The following ETF1 variants were observed in gnomAD, a reference collection of about 807,000 sequenced individuals.
ETF1 encodes the protein eukaryotic translation termination factor 1, also known as eukaryotic peptide chain release factor subunit 1.
In ETF1, 4 loss-of-function variants were observed where a neutral mutation model predicts 55.1. That is an observed-to-expected ratio of 0.07 (90% CI 0.04 to 0.17). ETF1 has a LOEUF of 0.17. ETF1 is among the 10% of genes least tolerant of loss of function. The pLI is 1.00. For synonymous variants in ETF1, 157 were observed against 182.3 expected, an observed-to-expected ratio of 0.86 and a Z score of 1.12; for missense variants, 142 against 523.6, an observed-to-expected ratio of 0.27 and a Z score of 7.11.
At chr5:138,518,164 T>C (rs1399585287) in intron 3 of ETF1, among the ~76,000 whole-genome samples, 1 of 148,004 alleles carries the variant, frequency 6.8e-6, no homozygotes, top group Non-Finnish European at 1.5e-5. Flanking sequence ...ATTACTGCAC[T>C]TCAGTCTCTG....
chr5:138,512,215 AAAAAAAAAAAATATATAT>A (rs1407087524), intron 6 of ETF1, among the ~76,000 whole-genome samples: 1 of 34,138 alleles, frequency 2.9e-5, no homozygotes, highest in African/African-American at 1.2e-4. Context: ...AAAAAAAAAA[AAAAAAAAAAAATATATAT>A]ATATATATAT....
Position 138,506,613 on chromosome 5 carries a change from C to T in ETF1, c.*1692G>A, listed in dbSNP as rs1016260582. ...GTGAAGTCTCCCACGTTGGTGAACA[C>T]CAAATAATGGACTCTTCTCACAGGG... On this transcript the variant is annotated 3_prime_UTR_variant, in exon 11 of 11. Coordinates refer to ENST00000360541, the MANE Select transcript of ETF1 (RefSeq NM_004730.4). 6.6e-6 allele frequency: 1 copy of T among 152,650 alleles called. No individual in the cohort carries two copies. Among genetic ancestry groups the T allele is most frequent in the African/African-American group, 2.4e-5 (1 of 41,448 alleles). 9.5% of individuals were successfully genotyped at this position (152,650 alleles called of 1,614,324 possible). A position where few individuals can be genotyped will look rare whatever the true frequency, so the allele number is the denominator to read the frequency against.
At chr5:138,525,973 T>C (rs1160298548) in intron 2 of ETF1, among the ~76,000 whole-genome samples, 1 of 151,244 alleles carries the variant, frequency 6.6e-6, no homozygotes, top group African/African-American at 2.4e-5. Context: ...AAATGTGTTA[T>C]CACTTTATAA....
rs192118574 is a variant in ETF1, at chr5:138,523,228, G to A, written c.87-4361C>T. Among the ~76,000 whole-genome samples, 6 of 152,244 alleles carry A rather than the reference G, an allele frequency of 3.9e-5. No individual in the cohort carries two copies. In the East Asian group the frequency reaches 9.7e-4, roughly 25 times the overall value. ...CTAAAAATACAAAAATTAGCCGGGCGTGGTGGTGTGTGCCTGTAATCTCAG... is the reference window on the plus strand; with the variant it reads ...CTAAAAATACAAAAATTAGCCGGGCATGGTGGTGTGTGCCTGTAATCTCAG... On this transcript the variant is annotated intron_variant, in intron 2 of 10. Transcript: ENST00000360541.
At chr5:138,534,581 A>C (rs1765837832) in intron 2 of ETF1, among the ~76,000 whole-genome samples, 1 of 152,228 alleles carries the variant, frequency 6.6e-6, no homozygotes, top group African/African-American at 2.4e-5. Context: ...CTAGGGTGGA[A>C]ATAGCATGTC....
At chr5:138,517,731 T>A in intron 3 of ETF1, 31 bp from the exon 4 acceptor site, 1 of 1,409,656 alleles carries the variant, frequency 7.1e-7, no homozygotes, top group East Asian at 2.7e-5. Context: ...TTTTCTACTT[T>A]ACCCCATATC....
chr5:138,537,049 G>A (rs1416667844), intron 2 of ETF1, among the ~76,000 whole-genome samples: 2 of 152,180 alleles, frequency 1.3e-5, no homozygotes, highest in Non-Finnish European at 2.9e-5. Flanking sequence ...GAAATTCAAA[G>A]GGAGTAATTG....
chr5:138,531,476 A>G (rs1765696106), intron 2 of ETF1, among the ~76,000 whole-genome samples: 1 of 152,160 alleles, frequency 6.6e-6, no homozygotes, highest in South Asian at 2.1e-4. Context: ...GCTCAGAGAT[A>G]CTCAACTTTA....
At chr5:138,541,889 A>C (rs80010430) in intron 2 of ETF1, among the ~76,000 whole-genome samples, 1 of 152,124 alleles carries the variant, frequency 6.6e-6, no homozygotes, top group Non-Finnish European at 1.5e-5. Context: ...TTAAAAAAAA[A>C]AGAAAACACA....
chr5:138,533,315 C>A (rs1378708303), intron 2 of ETF1, among the ~76,000 whole-genome samples: 1 of 151,948 alleles, frequency 6.6e-6, no homozygotes, highest in Non-Finnish European at 1.5e-5. Context: ...AATAAATGGC[C>A]AATTCCTACC....
intron 6 of ETF1, 109 bp from the exon 7 acceptor site, chr5:138,511,713 T>C (rs183182924): frequency 1.4e-6 from 2 of 1,415,870 alleles, no homozygotes; most frequent in East Asian, 2.6e-5. Context: ...AAGCTCAGCA[T>C]TATGATCACT....
chr5:138,531,074 C>G (rs1202573152), intron 2 of ETF1, among the ~76,000 whole-genome samples: 3 of 152,302 alleles, frequency 2.0e-5, no homozygotes, highest in South Asian at 4.1e-4. Context: ...GTGTTGGAAA[C>G]TTAATCCCCA....
At chr5:138,513,399 T>C (rs924994236) in intron 5 of ETF1, 169 bp downstream of exon 5, 11 of 304,308 alleles carry the variant, frequency 3.6e-5, no homozygotes, top group Non-Finnish European at 5.3e-5. Flanking sequence ...TTTGTATTTT[T>C]AGTAGAGACA....
Position 138,511,215 on chromosome 5 carries a change from C to G in ETF1, c.863-15G>C, listed in dbSNP as rs1273577279. Reference sequence around the variant, plus strand: ...AAAGTATCGTCCTACGATTAGGGATCAGTCAACAGGATATATATTAAAGTT... The same window carrying G: ...AAAGTATCGTCCTACGATTAGGGATGAGTCAACAGGATATATATTAAAGTT... On this transcript the variant is annotated splice_polypyrimidine_tract_variant and intron_variant, in intron 7 of 10. Coordinates refer to ENST00000360541, the MANE Select transcript of ETF1 (RefSeq NM_004730.4). 1 of 1,613,682 alleles carries G rather than the reference C, an allele frequency of 6.2e-7. No individual in the cohort carries two copies. Among genetic ancestry groups the G allele is most frequent in the Non-Finnish European group, 8.5e-7 (1 of 1,179,850 alleles).
intron 2 of ETF1, among the ~76,000 whole-genome samples, chr5:138,521,280 T>A (rs1357558729): frequency 2.0e-5 from 3 of 152,124 alleles, no homozygotes; most frequent in Non-Finnish European, 4.4e-5. Flanking sequence ...AATATTAAAG[T>A]TCATAGAGAC....
chr5:138,517,698 G>A lies in ETF1; in HGVS notation c.265C>T (p.Pro89Ser). The change falls in exon 4 of 11, where the codon CCT becomes TCT. Residue 89 changes from proline to serine, a missense_variant and splice_region_variant. Pro to Ser is a moderately conservative substitution (Grantham distance 74). Around this residue, in one of 5 missense-constraint regions of ETF1, gnomAD observed 14 missense variants for 22.3 expected, o/e 0.63. Transcript: ENST00000360541. ...CAGTATACAACCAGACCATTTGGAG[G>A]TACTGCAAAGAACACAAACAATTTT... The part of the protein sequence containing the change: ...QQRLKLYNKV[P>S]PNGLVVYCGT... The A allele has an allele frequency of 6.8e-7, 1 of 1,473,084 alleles. No homozygotes were observed. Among genetic ancestry groups the A allele is most frequent in the Non-Finnish European group, 9.1e-7 (1 of 1,095,104 alleles). The allele number at this position is 1,473,084 out of a possible 1,614,324, so 91.3% of individuals were successfully genotyped here. A position where few individuals can be genotyped will look rare whatever the true frequency, so the allele number is the denominator to read the frequency against.
chr5:138,524,127 G>A (rs1438014497), intron 2 of ETF1, among the ~76,000 whole-genome samples: 3 of 151,642 alleles, frequency 2.0e-5, no homozygotes, highest in East Asian at 3.9e-4. Flanking sequence ...CAGAGGTTGC[G>A]GTGCAGTGAG....
At chr5:138,523,984 C>G (rs572120377) in intron 2 of ETF1, among the ~76,000 whole-genome samples, 20 of 152,056 alleles carry the variant, frequency 1.3e-4, no homozygotes, top group Non-Finnish European at 2.4e-4. Flanking sequence ...CAAGACCAGC[C>G]TAGCCACTAT....
At chr5:138,514,888 G>GT (rs898392259) in intron 4 of ETF1, among the ~76,000 whole-genome samples, 2 of 152,178 alleles carry the variant, frequency 1.3e-5, no homozygotes, top group African/African-American at 4.8e-5. Flanking sequence ...TACACACTTA[G>GT]TTGATCTCTA....
Sources: gnomAD v4.1 joint callset for allele counts (sites outside exome capture counted in the v4.1 genomes callset) on GRCh38, gnomAD v4.1.1 for gene constraint, gnomAD v4.1.1 regional missense constraint, MANE v1.5 for transcripts, NCBI Gene and HGNC (gene_info 2026-07-23, HGNC 2026-07-21) for gene names.